Variants in NELL1 observed in about 807,000 individuals in gnomAD.
NELL1 encodes the protein protein kinase C-binding protein NELL1.
Under a neutral mutation model 107.4 loss-of-function variants are expected in NELL1, and 76 were observed. The observed-to-expected ratio is 0.71, with a 90% CI of 0.59 to 0.86. The LOEUF (loss-of-function observed/expected upper bound fraction) is 0.86. Ranked by LOEUF, NELL1 falls within the 40% of genes least tolerant of loss-of-function variation. NELL1 has a pLI of 0.00. For missense variants in NELL1, 1,024 were observed against 1,005.5 expected (o/e 1.02, Z -0.25); for synonymous variants, 353 against 341.2 (o/e 1.03, Z -0.38).
At chr11:21,148,250 A>T (rs1856031319) in intron 13 of NELL1, among the ~76,000 whole-genome samples, 1 of 152,240 alleles carries the variant, frequency 6.6e-6, no homozygotes, top group Non-Finnish European at 1.5e-5. Context: ...GAACCAAGGC[A>T]TATTCAATAT....
intron 14 of NELL1, among the ~76,000 whole-genome samples, chr11:21,303,502 G>A (rs907410702): frequency 6.6e-6 from 1 of 151,988 alleles, no homozygotes; most frequent in Non-Finnish European, 1.5e-5. Context: ...GTAGCCTTAT[G>A]TATGATTCCC....
In NELL1 at chr11:20,773,276, G is replaced by GTGTATA. The variant is rs532629907; in HGVS notation, c.185-10404_185-10403insTGTATA. ...CCCCACCCATCCTACAGGACCCAGG[G>GTGTATA]CCTGTCCTGGCTGTATACCAAATAA... On this transcript the variant is annotated intron_variant, in intron 2 of 19. Coordinates refer to ENST00000357134, the MANE Select transcript of NELL1 (RefSeq NM_006157.5). Among the ~76,000 whole-genome samples the GTGTATA allele has an allele frequency of 6.3e-4, 96 of 152,260 alleles. 1 individual carries two copies. The East Asian group carries it at 0.014, about 22-fold the overall frequency.
rs144688440 is a variant in NELL1 at position 20,890,592 on chromosome 11, G to A, written c.603+5052G>A. On this transcript the variant is annotated intron_variant, in intron 5 of 19. Transcript: ENST00000357134. ...TTAAAGGAGCATGTTCTAACCCAATGCAAGGAAGCTAAGAACCTTGATAAG... is the reference window on the plus strand; with the variant it reads ...TTAAAGGAGCATGTTCTAACCCAATACAAGGAAGCTAAGAACCTTGATAAG... 2.1e-3 allele frequency among the ~76,000 whole-genome samples: 319 copies of A among 152,200 alleles called. 1 individual carries two copies. The highest frequency in any genetic ancestry group is 7.5e-3 in the African/African-American group (310 of 41,530).
intron 14 of NELL1, among the ~76,000 whole-genome samples, chr11:21,295,824 A>G (rs958661847): frequency 6.6e-6 from 1 of 152,192 alleles, no homozygotes; most frequent in Non-Finnish European, 1.5e-5. Context: ...AATGCAAGGA[A>G]AAGAGAAAAG....
chr11:20,805,118 T>A (rs1299226515), intron 3 of NELL1, among the ~76,000 whole-genome samples: 1 of 152,224 alleles, frequency 6.6e-6, no homozygotes, highest in African/African-American at 2.4e-5. Context: ...TCCATTGGCA[T>A]GGAATATCTT....
chr11:21,533,487 A>C (rs1856047944), intron 15 of NELL1, among the ~76,000 whole-genome samples: 3 of 152,186 alleles, frequency 2.0e-5, no homozygotes, highest in Admixed American at 2.0e-4. Context: ...TACTTGGAGA[A>C]ATTCTGTTAC....
chr11:21,507,787 C>CTTTTCTTT (rs567035184), intron 15 of NELL1, among the ~76,000 whole-genome samples: 11 of 144,628 alleles, frequency 7.6e-5, no homozygotes, highest in Middle Eastern at 3.6e-3. Context: ...CTTTTCTTTT[C>CTTTTCTTT]TTTTTTTTTT....
chr11:20,997,403 C>G (rs1440709580), intron 12 of NELL1, among the ~76,000 whole-genome samples: 2 of 152,088 alleles, frequency 1.3e-5, no homozygotes, highest in Non-Finnish European at 2.9e-5. Context: ...CACCCCAAGT[C>G]AGGCTGAAAA....
intron 12 of NELL1, among the ~76,000 whole-genome samples, chr11:21,082,819 C>T (rs529906368): frequency 1.3e-5 from 2 of 152,296 alleles, no homozygotes; most frequent in African/African-American, 4.8e-5. Context: ...AATGCTTCAC[C>T]CTACCCAACG....
At chr11:20,850,947 A>G (rs1159888638) in intron 4 of NELL1, among the ~76,000 whole-genome samples, 1 of 152,188 alleles carries the variant, frequency 6.6e-6, no homozygotes, top group Non-Finnish European at 1.5e-5. Context: ...CAATCACATA[A>G]TATAATAAGC....
At position 20,983,378 on chromosome 11, in the gene NELL1, C is replaced by T. The variant is rs891113192; in HGVS notation, c.1300+22818C>T. ...ACCCATCTATACCAGTGCCATAACT[C>T]TGATAAGTGGTTTACTAACACAGTT... On this transcript the variant is annotated intron_variant, in intron 12 of 19. Coordinates refer to ENST00000357134, the MANE Select transcript of NELL1 (RefSeq NM_006157.5). 2.0e-5 allele frequency among the ~76,000 whole-genome samples: 3 copies of T among 151,644 alleles called. No individual in the cohort carries two copies. In the East Asian group the frequency reaches 5.8e-4, roughly 29 times the overall value.
At chr11:21,361,058 C>T (rs1024542321) in intron 14 of NELL1, among the ~76,000 whole-genome samples, 20 of 152,040 alleles carry the variant, frequency 1.3e-4, no homozygotes, top group Non-Finnish European at 1.5e-4. Context: ...TTTTACAAGT[C>T]CTGTGAAATG....
intron 12 of NELL1, among the ~76,000 whole-genome samples, chr11:20,992,254 T>C (rs533447952): frequency 6.0e-4 from 92 of 152,334 alleles, no homozygotes; most frequent in African/African-American, 2.0e-3. Context: ...GTTTCTTGCT[T>C]AATCCATGCT....
intron 16 of NELL1, among the ~76,000 whole-genome samples, chr11:21,555,675 G>A (rs1856686948): frequency 6.6e-6 from 1 of 151,896 alleles, no homozygotes; most frequent in African/African-American, 2.4e-5. Context: ...TAATGCTAAA[G>A]GGGTATTGAA....
chr11:21,371,262 TCTA>T (rs1428701028), intron 15 of NELL1, among the ~76,000 whole-genome samples: 1 of 152,116 alleles, frequency 6.6e-6, no homozygotes, highest in Non-Finnish European at 1.5e-5. Flanking sequence ...TCACTTATCA[TCTA>T]CTGGGTAGCA....
chr11:21,181,493 C>A (rs750803667), intron 13 of NELL1, among the ~76,000 whole-genome samples: 9 of 151,972 alleles, frequency 5.9e-5, no homozygotes, highest in Non-Finnish European at 1.2e-4. Context: ...TGGGGCATGG[C>A]AGAAATGAGA....
At chr11:21,311,539 G>A (rs968112104) in intron 14 of NELL1, among the ~76,000 whole-genome samples, 5 of 151,876 alleles carry the variant, frequency 3.3e-5, no homozygotes, top group Admixed American at 2.0e-4. Flanking sequence ...CTGTGTAGCC[G>A]GGATCCTGTT....
At chr11:21,516,742 C>A (rs1348626975) in intron 15 of NELL1, among the ~76,000 whole-genome samples, 1 of 136,472 alleles carries the variant, frequency 7.3e-6, no homozygotes, top group African/African-American at 2.7e-5. Context: ...CACACACATA[C>A]ACACACACAC....
chr11:21,018,019 A>G (rs1852609273), intron 12 of NELL1, among the ~76,000 whole-genome samples: 1 of 152,008 alleles, frequency 6.6e-6, no homozygotes, highest in African/African-American at 2.4e-5. Context: ...GCTGGGGAGA[A>G]CTTTCTATCT....
Sources: allele counts gnomAD v4.1 joint callset (sites outside exome capture counted in the v4.1 genomes callset), GRCh38; gene constraint gnomAD v4.1.1; transcripts MANE v1.5; gene names NCBI Gene and HGNC (gene_info 2026-07-23, HGNC 2026-07-21).